Variants in PRR11 observed in about 807,000 individuals in gnomAD.
PRR11 encodes proline rich 11.
PRR11 carries 30 observed loss-of-function variants against 45.6 expected under a neutral mutation model. That is an observed-to-expected ratio of 0.66 (90% CI 0.49 to 0.89). PRR11 has a LOEUF of 0.89. Ranked by LOEUF, PRR11 falls within the 40% of genes least tolerant of loss-of-function variation. The pLI, the probability that PRR11 is intolerant of heterozygous loss-of-function variation, is 0.00. For missense variants in PRR11, 373 were observed against 424.8 expected, an observed-to-expected ratio of 0.88 and a Z score of 1.07; for synonymous variants, 128 against 153.5, an observed-to-expected ratio of 0.83 and a Z score of 1.23.
chr17:59,169,770 A>G lies in PRR11; in HGVS notation c.18A>G (p.Gln6=), dbSNP rs775462620. 18 of 1,598,028 alleles carry G rather than the reference A, an allele frequency of 1.1e-5. No homozygotes were observed. In the South Asian group the frequency reaches 2.0e-4, roughly 17 times the overall value. The change falls in exon 2 of 10, where the codon CAA becomes CAG. Residue 6 remains glutamine (Q), a synonymous_variant. Transcript: ENST00000262293. Reference sequence around the variant, plus strand: ...CAGAAATCATGCCCAAGTTCAAACAACGAAGACGAAAGCTAAAAGCCAAAG... The same window carrying G: ...CAGAAATCATGCCCAAGTTCAAACAGCGAAGACGAAAGCTAAAAGCCAAAG... MPKFK[Q]RRRKLKAKAE...
intron 6 of PRR11, 108 bp from the exon 7 acceptor site, chr17:59,195,223 A>G (rs1490590596): frequency 1.2e-6 from 1 of 801,116 alleles, no homozygotes; most frequent in South Asian, 1.5e-5. Context: ...AGCATACTGG[A>G]TATATCTTAC....
intron 1 of PRR11, among the ~76,000 whole-genome samples, chr17:59,162,670 A>C (rs1599689776): frequency 6.6e-6 from 1 of 151,672 alleles, no homozygotes; most frequent in East Asian, 1.9e-4. Context: ...TTTTTTTTTC[A>C]AGTGTAGGCA....
chr17:59,178,587 C>T (rs1365233093), intron 2 of PRR11: 2 of 523,096 alleles, frequency 3.8e-6, no homozygotes, highest in South Asian at 1.4e-5. Flanking sequence ...TCCGTGGGAG[C>T]AGCAGGGCAG....
At chr17:59,196,491 T>C (rs916722647) in intron 7 of PRR11, among the ~76,000 whole-genome samples, 2 of 152,076 alleles carry the variant, frequency 1.3e-5, no homozygotes, top group African/African-American at 4.8e-5. Flanking sequence ...ATTCTCCTGC[T>C]TCAGCCTCCT....
At chr17:59,177,207 G>A (rs567302130) in intron 2 of PRR11, 2 of 548,504 alleles carry the variant, frequency 3.6e-6, no homozygotes, top group East Asian at 1.0e-4. Context: ...ATTGCCGGGA[G>A]AAGAGGCCGG....
At chr17:59,156,558 G>A (rs1294582477) in intron 1 of PRR11, among the ~76,000 whole-genome samples, 3 of 152,114 alleles carry the variant, frequency 2.0e-5, no homozygotes, top group Non-Finnish European at 2.9e-5. Flanking sequence ...CCATAAAAAT[G>A]TGTTTTAGGA....
chr17:59,201,739 G>A lies in PRR11; in HGVS notation c.*108G>A. The A allele has an allele frequency of 8.6e-7, 1 of 1,169,044 alleles. No individual in the cohort carries two copies. The highest frequency in any genetic ancestry group is 1.3e-6 in the Non-Finnish European group (1 of 793,278). The allele number at this position is 1,169,044 out of a possible 1,614,324, so 72.4% of individuals were successfully genotyped here. A position where few individuals can be genotyped will look rare whatever the true frequency, so the allele number is the denominator to read the frequency against. On this transcript the variant is annotated 3_prime_UTR_variant, in exon 10 of 10. Transcript: ENST00000262293. ...TAATCCCAGCACTTTGGGAGGCTGA[G>A]GCAGGTGGATCACCTGAGGTCAGGA...
At chr17:59,196,491 T>G (rs916722647) in intron 7 of PRR11, among the ~76,000 whole-genome samples, 1 of 152,076 alleles carries the variant, frequency 6.6e-6, no homozygotes, top group Non-Finnish European at 1.5e-5. Flanking sequence ...ATTCTCCTGC[T>G]TCAGCCTCCT....
At chr17:59,194,556 G>A (rs1008398293) in intron 5 of PRR11, among the ~76,000 whole-genome samples, 5 of 152,090 alleles carry the variant, frequency 3.3e-5, no homozygotes, top group African/African-American at 1.2e-4. Flanking sequence ...CGGGGTGGGG[G>A]AAGCCTTACA....
intron 7 of PRR11, among the ~76,000 whole-genome samples, chr17:59,196,380 A>AT (rs1208418278): frequency 6.6e-6 from 1 of 151,642 alleles, no homozygotes; most frequent in Non-Finnish European, 1.5e-5. Flanking sequence ...TATTTTTTGT[A>AT]TTTTTTTATT....
chr17:59,198,423 C>T (rs542695598), intron 9 of PRR11, among the ~76,000 whole-genome samples: 5 of 152,222 alleles, frequency 3.3e-5, no homozygotes, highest in African/African-American at 1.2e-4. Flanking sequence ...CGCCTGTAAT[C>T]CCAGCACTTT....
At chr17:59,179,682 G>T in intron 2 of PRR11, 1 of 1,460,442 alleles carries the variant, frequency 6.8e-7, no homozygotes. Flanking sequence ...TGGTGCTCAG[G>T]GAGCACGGGT....
At chr17:59,190,953 C>G (rs1420299197) in intron 4 of PRR11, among the ~76,000 whole-genome samples, 1 of 152,224 alleles carries the variant, frequency 6.6e-6, no homozygotes, top group African/African-American at 2.4e-5. Flanking sequence ...GTCCCTGGGC[C>G]TGTTTGCCCC....
In PRR11 at chr17:59,203,141, C is replaced by A. The variant is rs1302459853; in HGVS notation, c.*1510C>A. On this transcript the variant is annotated 3_prime_UTR_variant, in exon 10 of 10. Transcript: ENST00000262293. ...TAAAGTCATCAGACTAGAAAGCAGA[C>A]CTGGGGACAGTGTTTACCACCTAAG... 6.6e-6 allele frequency among the ~76,000 whole-genome samples: 1 copy of A among 152,140 alleles called. No homozygotes were observed. Among genetic ancestry groups the A allele is most frequent in the Non-Finnish European group, 1.5e-5 (1 of 68,036 alleles).
At chr17:59,188,196 C>G (rs2046823276) in intron 4 of PRR11, among the ~76,000 whole-genome samples, 1 of 152,132 alleles carries the variant, frequency 6.6e-6, no homozygotes, top group Admixed American at 6.6e-5. Context: ...AATTAGTAGT[C>G]TCTGCCACAC....
At position 59,185,433 on chromosome 17, in the gene PRR11, A is replaced by G. The variant is rs1292399706; in HGVS notation, c.280-7A>G. On this transcript the variant is annotated splice_polypyrimidine_tract_variant and splice_region_variant and intron_variant, in intron 3 of 9. Coordinates refer to ENST00000262293, the MANE Select transcript of PRR11 (RefSeq NM_018304.4). ...TAGGACTCAGAATTGTTTATTATTA[A>G]TTTCAGAGTTTAGAAGTATTGAAAG... The G allele has an allele frequency of 1.9e-6, 3 of 1,591,110 alleles. No individual in the cohort carries two copies. Among genetic ancestry groups the G allele is most frequent in the Non-Finnish European group, 2.6e-6 (3 of 1,168,370 alleles).
chr17:59,159,261 C>T (rs2046640408), intron 1 of PRR11, among the ~76,000 whole-genome samples: 1 of 152,214 alleles, frequency 6.6e-6, no homozygotes. Context: ...GTTTGGTAAT[C>T]AGCTCATAGA....
Position 59,195,435 on chromosome 17 carries a change from C to A in PRR11, c.849C>A (p.Asn283Lys). Residue 283 changes from asparagine (N) to lysine (K), a missense_variant, in exon 7 of 10, where the codon AAC (asparagine) becomes AAA (lysine). Asn to Lys is a moderately conservative substitution (Grantham distance 94). Transcript: ENST00000262293. ...NSKVLSTRVT[N>K]VLITPGKSQM... Reference sequence around the variant, plus strand: ...AAGTGTTATCGACTCGAGTTACAAACGTCTTAATGTAAGGAACTGCACAGT... The same window carrying A: ...AAGTGTTATCGACTCGAGTTACAAAAGTCTTAATGTAAGGAACTGCACAGT... The A allele has an allele frequency of 6.3e-7, 1 of 1,598,468 alleles. No individual in the cohort carries two copies. Among genetic ancestry groups the A allele is most frequent in the Non-Finnish European group, 8.6e-7 (1 of 1,166,150 alleles).
chr17:59,162,045 G>T (rs531721454), intron 1 of PRR11, among the ~76,000 whole-genome samples: 6 of 151,992 alleles, frequency 3.9e-5, no homozygotes, highest in African/African-American at 1.5e-4. Context: ...CTCCACTTTC[G>T]CAAGAGCTGT....
Sources: gnomAD v4.1 joint callset for allele counts (sites outside exome capture counted in the v4.1 genomes callset) on GRCh38, gnomAD v4.1.1 for gene constraint, MANE v1.5 for transcripts, NCBI Gene and HGNC (gene_info 2026-07-23, HGNC 2026-07-21) for gene names.